DLGAP2: variants seen among roughly 807,000 people sequenced by gnomAD.
The protein encoded by DLGAP2 is disks large-associated protein 2.
DLGAP2 carries 26 observed loss-of-function variants against 100.3 expected under a neutral mutation model. The observed-to-expected ratio is 0.26, with a 90% CI of 0.19 to 0.36. The LOEUF is 0.36. Ranked by LOEUF, DLGAP2 falls within the 10% of genes least tolerant of loss-of-function variation. The probability of loss-of-function intolerance (pLI) is 1.00; values close to 1 mark genes in which losing one functional copy is unlikely to be tolerated. For missense variants in DLGAP2, 1,858 were observed against 1,453.2 expected (o/e 1.28, Z -4.53); for synonymous variants, 886 against 630.1 (o/e 1.41, Z -6.08).
chr8:1,009,901 T>A (rs1801226909), intron 2 of DLGAP2, among the ~76,000 whole-genome samples: 1 of 152,212 alleles, frequency 6.6e-6, no homozygotes, highest in South Asian at 2.1e-4. Flanking sequence ...GTGTTTGGAA[T>A]TGGTTTTTCA....
At chr8:833,769 C>G (rs1796823423) in intron 1 of DLGAP2, among the ~76,000 whole-genome samples, 1 of 152,112 alleles carries the variant, frequency 6.6e-6, no homozygotes, top group South Asian at 2.1e-4. Context: ...GTATGCATAC[C>G]TTTCATCTTT....
At chr8:1,122,335 A>G (rs1182538593) in intron 2 of DLGAP2, among the ~76,000 whole-genome samples, 1 of 152,184 alleles carries the variant, frequency 6.6e-6, no homozygotes, top group East Asian at 1.9e-4. Flanking sequence ...CCTCTGAGTC[A>G]CTGGTGACAC....
At chr8:756,167 C>T (rs879617698) in intron 1 of DLGAP2, among the ~76,000 whole-genome samples, 5 of 151,692 alleles carry the variant, frequency 3.3e-5, no homozygotes, top group African/African-American at 7.3e-5. Flanking sequence ...TGAGGATGAG[C>T]GGGTTGGGGC....
At chr8:926,444 G>A (rs1387312291) in intron 2 of DLGAP2, among the ~76,000 whole-genome samples, 1 of 152,194 alleles carries the variant, frequency 6.6e-6, no homozygotes, top group African/African-American at 2.4e-5. Flanking sequence ...TGTTTCCACT[G>A]CTCCATCCAC....
intron 6 of DLGAP2, among the ~76,000 whole-genome samples, chr8:1,614,822 CCA>C (rs959761734): frequency 4.0e-5 from 6 of 151,504 alleles, no homozygotes; most frequent in African/African-American, 1.2e-4. Flanking sequence ...ACTGTGGAGC[CCA>C]CACACACATG....
chr8:1,407,437 G>T (rs1353828454), intron 3 of DLGAP2, among the ~76,000 whole-genome samples: 3 of 114,064 alleles, frequency 2.6e-5, no homozygotes, highest in Non-Finnish European at 1.9e-5. Flanking sequence ...CCAGAGTCGT[G>T]TATTGAGTGC....
intron 2 of DLGAP2, among the ~76,000 whole-genome samples, chr8:1,036,097 C>A (rs74787841): frequency 7.3e-6 from 1 of 136,508 alleles, no homozygotes; most frequent in African/African-American, 2.9e-5. Flanking sequence ...ATCCCGACCC[C>A]GCGTGTCACC....
chr8:1,647,008 A>G (rs1226772557), intron 8 of DLGAP2, among the ~76,000 whole-genome samples: 4 of 152,330 alleles, frequency 2.6e-5, no homozygotes, highest in South Asian at 4.1e-4. Flanking sequence ...CCAGGACTTC[A>G]GCAGACACAG....
rs113742987 is a variant in DLGAP2, at chr8:1,316,784, A to C, written c.106+57901A>C. On this transcript the variant is annotated intron_variant, in intron 3 of 14. Coordinates refer to ENST00000637795, the MANE Select transcript of DLGAP2 (RefSeq NM_001346810.2). ...TGTGCGAGTACAGCGTCTCTCCCACAGTGGTCTACACTCGAGAAACTCGGT... is the reference window on the plus strand; with the variant it reads ...TGTGCGAGTACAGCGTCTCTCCCACCGTGGTCTACACTCGAGAAACTCGGT... Among the ~76,000 whole-genome samples the C allele has an allele frequency of 1.8e-3, 264 of 143,454 alleles. 20 individuals are homozygous for C. The highest frequency in any genetic ancestry group is 6.7e-3 in the African/African-American group (246 of 36,960). The allele number at this position is 143,454 out of a possible 152,430, so 94.1% of individuals were successfully genotyped here. A position where few individuals can be genotyped will look rare whatever the true frequency, so the allele number is the denominator to read the frequency against.
At chr8:821,772 T>G (rs562144966) in intron 1 of DLGAP2, among the ~76,000 whole-genome samples, 1 of 152,370 alleles carries the variant, frequency 6.6e-6, no homozygotes, top group Non-Finnish European at 1.5e-5. Flanking sequence ...TTATTTCTCT[T>G]TGGTTCAATA....
intron 3 of DLGAP2, chr8:1,301,920 G>A (rs181839928): frequency 1.3e-5 from 2 of 152,328 alleles, no homozygotes; most frequent in African/African-American, 2.4e-5. Flanking sequence ...TCCCAGGGAG[G>A]GGGGAGGAAG....
In DLGAP2 at chr8:902,463, G is replaced by C. The variant is rs562839927; in HGVS notation, c.19-5449G>C. ...GGGTCCAGGCGTGTGCAAGGTTTGA[G>C]CCCAGGTAGCCTAGCGTGAGTCACA... On this transcript the variant is annotated intron_variant, in intron 1 of 14. Transcript: ENST00000637795. 3.4e-5 allele frequency among the ~76,000 whole-genome samples: 5 copies of C among 148,798 alleles called. No homozygotes were observed. The East Asian group carries it at 1.0e-3, about 31-fold the overall frequency.
At chr8:1,648,917 C>T (rs1269640187) in intron 8 of DLGAP2, among the ~76,000 whole-genome samples, 1 of 152,168 alleles carries the variant, frequency 6.6e-6, no homozygotes, top group Non-Finnish European at 1.5e-5. Context: ...GGAAAACCTA[C>T]AAATCCTATC....
chr8:1,330,104 T>G (rs1421117490), intron 3 of DLGAP2, among the ~76,000 whole-genome samples: 1 of 152,218 alleles, frequency 6.6e-6, no homozygotes, highest in Admixed American at 6.5e-5. Flanking sequence ...GGTTTCTTTG[T>G]ATCTTGCCCC....
intron 2 of DLGAP2, among the ~76,000 whole-genome samples, chr8:1,065,813 G>A (rs112044860): frequency 1.4e-4 from 21 of 152,272 alleles, no homozygotes; most frequent in African/African-American, 5.1e-4. Flanking sequence ...TCTGTAGGAT[G>A]GTCTGTCTGT....
At chr8:1,690,939 C>G (rs552770661) in intron 12 of DLGAP2, among the ~76,000 whole-genome samples, 46 of 152,162 alleles carry the variant, frequency 3.0e-4, no homozygotes, top group African/African-American at 1.1e-3. Context: ...GGAGGGAAGC[C>G]ACATCTTCCT....
intron 1 of DLGAP2, among the ~76,000 whole-genome samples, chr8:755,119 C>T (rs1465557211): frequency 1.3e-5 from 2 of 152,082 alleles, no homozygotes; most frequent in Non-Finnish European, 2.9e-5. Flanking sequence ...CTGGGTTTGG[C>T]CTTGAGTGTG....
At chr8:1,258,948 A>G in intron 3 of DLGAP2, 65 bp downstream of exon 3, 1 of 1,198,482 alleles carries the variant, frequency 8.3e-7, no homozygotes, top group Non-Finnish European at 1.0e-6. Flanking sequence ...TGTGGCTGGC[A>G]ACAGTCTACC....
intron 1 of DLGAP2, among the ~76,000 whole-genome samples, chr8:823,983 C>T (rs1796636659): frequency 6.6e-6 from 1 of 152,170 alleles, no homozygotes; most frequent in African/African-American, 2.4e-5. Flanking sequence ...TCACATTTGT[C>T]ACGTCCCCTA....
Sources: allele counts gnomAD v4.1 joint callset (sites outside exome capture counted in the v4.1 genomes callset), GRCh38; gene constraint gnomAD v4.1.1; transcripts MANE v1.5; gene names NCBI Gene and HGNC (gene_info 2026-07-23, HGNC 2026-07-21).